The following MTOR variants were observed in gnomAD, a reference collection of about 807,000 sequenced individuals.
MTOR encodes the protein serine/threonine-protein kinase mTOR.
In MTOR, 70 loss-of-function variants were observed where a neutral mutation model predicts 319.8. That is an observed-to-expected ratio of 0.22 (90% CI 0.18 to 0.27). MTOR has a LOEUF of 0.27. MTOR is among the 10% of genes least tolerant of loss of function. The probability of loss-of-function intolerance (pLI) is 1.00; values close to 1 mark genes in which losing one functional copy is unlikely to be tolerated. For synonymous variants in MTOR, 1,183 were observed against 1,211.4 expected (o/e 0.98, Z 0.49); for missense variants, 1,890 against 3,274.4 (o/e 0.58, Z 10.32).
At chr1:11,260,254 A>G (rs1378702781) in intron 1 of MTOR, among the ~76,000 whole-genome samples, 1 of 152,222 alleles carries the variant, frequency 6.6e-6, no homozygotes, top group African/African-American at 2.4e-5. Flanking sequence ...TATCTAATGG[A>G]AATTTAGGCC....
Position 11,185,741 on chromosome 1 carries a change from T to G in MTOR, c.4253+13517A>C, listed in dbSNP as rs191299006. On this transcript the variant is annotated intron_variant, in intron 28 of 57. Coordinates refer to ENST00000361445, the MANE Select transcript of MTOR (RefSeq NM_004958.4). Reference sequence around the variant, plus strand: ...GAAAAGATGGAAATATCTTCTGTGATGGACTTGGACTTTCAGTTGAGACAG... The same window carrying G: ...GAAAAGATGGAAATATCTTCTGTGAGGGACTTGGACTTTCAGTTGAGACAG... 3.3e-5 allele frequency among the ~76,000 whole-genome samples: 5 copies of G among 152,260 alleles called. No homozygotes were observed. The East Asian group carries it at 9.7e-4, about 29-fold the overall frequency.
Position 11,107,206 on chromosome 1 carries a change from A to T in MTOR, c.*279T>A. On this transcript the variant is annotated 3_prime_UTR_variant, in exon 58 of 58. Transcript: ENST00000361445. ...AAAACCCGTATTTCTAAAGTTATGG[A>T]TCTTCTGTTCCCCAAAATGAATGGC... is the stretch of plus-strand genomic sequence containing the variant. 4 of 1,397,924 alleles carry T rather than the reference A, an allele frequency of 2.9e-6. No homozygotes were observed. The highest frequency in any genetic ancestry group is 3.8e-6 in the Non-Finnish European group (4 of 1,065,134). 86.6% of individuals were successfully genotyped at this position (1,397,924 alleles called of 1,614,324 possible).
rs1023010218 is a variant in MTOR, at chr1:11,231,368, A to G, written c.2581T>C (p.Tyr861His). 13 of 1,614,060 alleles carry G rather than the reference A, an allele frequency of 8.1e-6. No individual in the cohort carries two copies. The highest frequency in any genetic ancestry group is 2.7e-5 in the African/African-American group (2 of 74,914). ...AGTAGCACCTCAAGCAAAGTAGGGT[A>G]CTTCCTGTAGGGCTCTACTACATAG... ...TGYVVEPYRK[Y>H]PTLLEVLLNF... The change falls in exon 17 of 58, where the codon TAC becomes CAC. Residue 861 changes from tyrosine to histidine, a missense_variant. By Grantham distance (83) the Tyr-to-His change is moderately conservative. This residue lies in a region of MTOR where 377 missense variants were observed against 653.9 expected (regional missense o/e 0.58). Transcript: ENST00000361445.
In MTOR at chr1:11,139,369, G is replaced by T. The variant is rs2100477206; in HGVS notation, c.5065C>A (p.Leu1689Met). The change falls in exon 36 of 58, where the codon CTG becomes ATG. Residue 1689 changes from leucine (L) to methionine (M), a missense_variant. Leu to Met is a conservative substitution (Grantham distance 15, BLOSUM62 2). This residue lies in a region of MTOR where 276 missense variants were observed against 459.4 expected (regional missense o/e 0.60). Coordinates refer to ENST00000361445, the MANE Select transcript of MTOR (RefSeq NM_004958.4). ...GTCACCTGAGGGTGAACTGTTGGCA[G>T]AGGATGGTCAAGTTGCCGAGACGGA... ...VDPSRQLDHP[L>M]PTVHPQVTYA... 6.2e-7 allele frequency: 1 copy of T among 1,613,736 alleles called. No individual in the cohort carries two copies. Among genetic ancestry groups the T allele is most frequent in the Non-Finnish European group, 8.5e-7 (1 of 1,179,916 alleles).
chr1:11,258,570 G>A lies in MTOR; in HGVS notation c.186C>T (p.Arg62=). ...TGTGATGGTTCAGTTGGTCATAGAA[G>A]CGAGTAGACTCCTCTTGACTCATCT... ...LREMSQEEST[R]FYDQLNHHIF... The change falls in exon 3 of 58, where the codon CGC becomes CGT. Residue 62 remains arginine, a synonymous_variant. Transcript: ENST00000361445. 1 of 1,613,858 alleles carries A rather than the reference G, an allele frequency of 6.2e-7. No individual in the cohort carries two copies. Among genetic ancestry groups the A allele is most frequent in the Non-Finnish European group, 8.5e-7 (1 of 1,179,826 alleles).
intron 6 of MTOR, among the ~76,000 whole-genome samples, chr1:11,251,878 T>C (rs1324292083): frequency 6.6e-6 from 1 of 152,180 alleles, no homozygotes; most frequent in Non-Finnish European, 1.5e-5. Context: ...TAGGTGATAC[T>C]GTCCTGTTTT....
At position 11,212,709 on chromosome 1, in the gene MTOR, A is replaced by C. The variant is rs1480415579; in HGVS notation, c.3398+87T>G. On this transcript the variant is annotated intron_variant, in intron 22 of 57. Transcript: ENST00000361445. This position sits in a 1 kb window ranked among gnomAD's most constrained non-coding sequence, Gnocchi z 4.1. ...TGAGTTGAAATAACAAAAAAAATAG[A>C]AAGATGGCCTGGGAACTTAAGAAAT... is the stretch of plus-strand genomic sequence containing the variant. 7.9e-7 allele frequency: 1 copy of C among 1,263,066 alleles called. No homozygotes were observed. Among genetic ancestry groups the C allele is most frequent in the African/African-American group, 1.5e-5 (1 of 66,584 alleles). 78.2% of individuals were successfully genotyped at this position (1,263,066 alleles called of 1,614,324 possible).
At chr1:11,117,391 C>A (rs1642226620) in intron 49 of MTOR, among the ~76,000 whole-genome samples, 1 of 152,136 alleles carries the variant, frequency 6.6e-6, no homozygotes, top group South Asian at 2.1e-4. Flanking sequence ...GAGCTCCTAA[C>A]CTCAAGTGAT....
At position 11,109,459 on chromosome 1, in the gene MTOR, T is replaced by C; in HGVS notation, c.7448-89A>G. On this transcript the variant is annotated intron_variant, in intron 55 of 57. Coordinates refer to ENST00000361445, the MANE Select transcript of MTOR (RefSeq NM_004958.4). This position sits in a 1 kb window ranked among gnomAD's most constrained non-coding sequence, Gnocchi z 4.0. ...CCCTGTTTTTCTCAAATATTCACTT[T>C]TGTAAGTGTTAAGCAATCCTTCCTC... 7.6e-7 allele frequency: 1 copy of C among 1,321,534 alleles called. No individual in the cohort carries two copies. The highest frequency in any genetic ancestry group is 2.3e-5 in the East Asian group (1 of 43,474). The allele number at this position is 1,321,534 out of a possible 1,614,324, so 81.9% of individuals were successfully genotyped here. A position where few individuals can be genotyped will look rare whatever the true frequency, so the allele number is the denominator to read the frequency against.
At position 11,212,183 on chromosome 1, in the gene MTOR, G is replaced by C. The variant is rs1338771100; in HGVS notation, c.3561+129C>G. On this transcript the variant is annotated intron_variant, in intron 23 of 57. Transcript: ENST00000361445. The surrounding 1 kb of genome is among the most constrained non-coding windows in gnomAD (Gnocchi z 4.1). ...TAAATGTTTGCTGAACACATGAAAA[G>C]AAAAAAAGCAAGTAATTCCACGTTC... 8.2e-7 allele frequency: 1 copy of C among 1,221,646 alleles called. No individual in the cohort carries two copies. The highest frequency in any genetic ancestry group is 2.5e-5 in the Admixed American group (1 of 39,696). 75.7% of individuals were successfully genotyped at this position (1,221,646 alleles called of 1,614,324 possible). A position where few individuals can be genotyped will look rare whatever the true frequency, so the allele number is the denominator to read the frequency against.
In MTOR at chr1:11,167,308, C is replaced by T. The variant is rs58667988; in HGVS notation, c.4329+134G>A. 0.067 allele frequency: 44,417 copies of T among 667,160 alleles called. 2,869 individuals carry two copies. Among genetic ancestry groups the T allele is most frequent in the South Asian group, 0.18 (10,017 of 56,736 alleles). 41.3% of individuals were successfully genotyped at this position (667,160 alleles called of 1,614,324 possible). ...CAGTTTATCTCTTTCATCCTGAAGA[C>T]TGGTAAGTCAGCATCAGACTGTTAT... On this transcript the variant is annotated intron_variant, in intron 29 of 57. Transcript: ENST00000361445.
rs1015432381 is a variant in MTOR at position 11,212,603 on chromosome 1, C to T, written c.3399-129G>A. 4.1e-6 allele frequency: 5 copies of T among 1,207,188 alleles called. No homozygotes were observed. In the African/African-American group the frequency reaches 7.7e-5, roughly 19 times the overall value. 74.8% of individuals were successfully genotyped at this position (1,207,188 alleles called of 1,614,324 possible). A position where few individuals can be genotyped will look rare whatever the true frequency, so the allele number is the denominator to read the frequency against. On this transcript the variant is annotated intron_variant, in intron 22 of 57. Transcript: ENST00000361445. This position sits in a 1 kb window ranked among gnomAD's most constrained non-coding sequence, Gnocchi z 4.1. ...ACGGCTTCTAAGGTATTTTGGATGA[C>T]ATGGATCCAACATTTATTCCAATGG...
At chr1:11,210,408 C>T (rs371484492) in intron 24 of MTOR, among the ~76,000 whole-genome samples, 44 of 152,326 alleles carry the variant, frequency 2.9e-4, no homozygotes, top group African/African-American at 1.0e-3. Context: ...CCTTGGCCTC[C>T]CAAGGCGGGA....
intron 29 of MTOR, among the ~76,000 whole-genome samples, chr1:11,165,496 T>A (rs1441867909): frequency 6.6e-6 from 1 of 152,008 alleles, no homozygotes; most frequent in African/African-American, 2.4e-5. Flanking sequence ...CATTCACAAT[T>A]GCTTCAAAGA....
At chr1:11,204,798 TA>T in intron 25 of MTOR, 95 bp from the exon 26 acceptor site, 1 of 1,361,118 alleles carries the variant, frequency 7.3e-7, no homozygotes, top group Non-Finnish European at 9.9e-7. Flanking sequence ...CTTTTAGATT[TA>T]TAAAATCCAT....
rs1412715233 is a variant in MTOR, at chr1:11,183,465, TTCC to T, written c.4253+15790_4253+15792del. ...CCAATCTTTTTATTGTGCTACCTTT[TTCC>T]TCCTTATTGTTTGATAAGAGTTCTT... On this transcript the variant is annotated intron_variant, in intron 28 of 57. Transcript: ENST00000361445. 2.0e-5 allele frequency among the ~76,000 whole-genome samples: 3 copies of T among 152,268 alleles called. No individual in the cohort carries two copies. In the East Asian group the frequency reaches 5.8e-4, roughly 29 times the overall value.
chr1:11,141,061 T>C (rs1557767476), intron 34 of MTOR, among the ~76,000 whole-genome samples: 1 of 151,830 alleles, frequency 6.6e-6, no homozygotes, highest in Non-Finnish European at 1.5e-5. Context: ...TCTACTAGTC[T>C]CAGATCAAAA....
intron 19 of MTOR, among the ~76,000 whole-genome samples, chr1:11,219,992 C>T (rs1646604860): frequency 7.2e-6 from 1 of 139,240 alleles, no homozygotes; most frequent in Non-Finnish European, 1.5e-5. Context: ...GAGATCGTAC[C>T]ACTGCATTCC....
At chr1:11,205,328 G>GT (rs1646103546) in intron 25 of MTOR, among the ~76,000 whole-genome samples, 1 of 152,186 alleles carries the variant, frequency 6.6e-6, no homozygotes, top group Admixed American at 6.5e-5. Context: ...GTATAGTGTA[G>GT]TGGGCAACAG....
Sources: allele counts gnomAD v4.1 joint callset (sites outside exome capture counted in the v4.1 genomes callset), GRCh38; gene constraint gnomAD v4.1.1; regional missense constraint gnomAD v4.1.1; non-coding constraint Gnocchi (gnomAD v3.1); transcripts MANE v1.5; gene names NCBI Gene and HGNC (gene_info 2026-07-23, HGNC 2026-07-21).